Variants in BMP6 observed in about 807,000 individuals in gnomAD.
The protein encoded by BMP6 is VG-1-R.
Under a neutral mutation model 54.1 loss-of-function variants are expected in BMP6, and 17 were observed. The ratio of observed to expected loss-of-function variants is 0.31; its 90% confidence interval spans 0.22 to 0.47. The LOEUF is 0.47. Ranked by LOEUF, BMP6 falls within the 20% of genes least tolerant of loss-of-function variation. The pLI, the probability that BMP6 is intolerant of heterozygous loss-of-function variation, is 1.00. For synonymous variants in BMP6, 328 were observed against 291.2 expected, an observed-to-expected ratio of 1.13 and a Z score of -1.28; for missense variants, 720 against 690.4, an observed-to-expected ratio of 1.04 and a Z score of -0.48.
intron 4 of BMP6, among the ~76,000 whole-genome samples, chr6:7,868,517 G>C (rs1356182989): frequency 1.3e-5 from 2 of 152,242 alleles, no homozygotes; most frequent in Non-Finnish European, 2.9e-5. Context: ...CCAGAGATAT[G>C]GAAAGAGCGG....
chr6:7,772,906 C>T (rs533311642), intron 1 of BMP6, among the ~76,000 whole-genome samples: 2 of 152,280 alleles, frequency 1.3e-5, no homozygotes, highest in African/African-American at 4.8e-5. Context: ...TCATGCTTGA[C>T]AGGACTGGGA....
At chr6:7,821,506 C>CA (rs991594436) in intron 1 of BMP6, among the ~76,000 whole-genome samples, 11 of 152,032 alleles carry the variant, frequency 7.2e-5, no homozygotes, top group South Asian at 6.2e-4. Context: ...CCCATCTCTA[C>CA]AAAAAAACTT....
chr6:7,830,918 T>A (rs367122), intron 1 of BMP6, among the ~76,000 whole-genome samples: 82,806 of 152,000 alleles, frequency 0.54, 23,934 homozygotes, highest in East Asian at 0.73. Context: ...CAGCCAAACC[T>A]TATCAAAGAG....
intron 1 of BMP6, among the ~76,000 whole-genome samples, chr6:7,815,000 T>C (rs1370873337): frequency 3.3e-5 from 5 of 152,208 alleles, no homozygotes; most frequent in African/African-American, 1.2e-4. Flanking sequence ...TAATTTTCTC[T>C]GTTTAGAGGA....
intron 1 of BMP6, among the ~76,000 whole-genome samples, chr6:7,799,644 C>T (rs1246409674): frequency 1.3e-5 from 2 of 151,856 alleles, no homozygotes; most frequent in South Asian, 2.1e-4. Context: ...TAGTCCTCAC[C>T]GCTCAGCTTA....
chr6:7,863,545 C>T (rs958915472), intron 4 of BMP6, among the ~76,000 whole-genome samples: 1 of 152,156 alleles, frequency 6.6e-6, no homozygotes, highest in Non-Finnish European at 1.5e-5. Context: ...GGGGTTGCGT[C>T]CTCCAACCTG....
At chr6:7,815,459 T>C (rs1452593678) in intron 1 of BMP6, among the ~76,000 whole-genome samples, 1 of 152,196 alleles carries the variant, frequency 6.6e-6, no homozygotes, top group African/African-American at 2.4e-5. Flanking sequence ...AAATCAGATG[T>C]TTATAAAAAG....
chr6:7,773,199 C>T (rs1001649024), intron 1 of BMP6, among the ~76,000 whole-genome samples: 1 of 152,174 alleles, frequency 6.6e-6, no homozygotes, highest in African/African-American at 2.4e-5. Context: ...CCAAATGGTG[C>T]ACCTAACACC....
chr6:7,870,483 CCT>C (rs1395637695), intron 4 of BMP6, among the ~76,000 whole-genome samples: 3 of 152,238 alleles, frequency 2.0e-5, no homozygotes, highest in Non-Finnish European at 4.4e-5. Flanking sequence ...ACAGCTGGGA[CCT>C]CTCTGCCCAA....
chr6:7,761,774 T>G (rs575078826), intron 1 of BMP6, among the ~76,000 whole-genome samples: 1 of 152,376 alleles, frequency 6.6e-6, no homozygotes, highest in African/African-American at 2.4e-5. Context: ...TCAAAGTCTT[T>G]ACGGCATTTT....
intron 2 of BMP6, among the ~76,000 whole-genome samples, chr6:7,858,176 C>T (rs1410513938): frequency 1.3e-5 from 2 of 152,172 alleles, no homozygotes; most frequent in Non-Finnish European, 2.9e-5. Context: ...TCCACTTCCC[C>T]GGACTCAGGT....
intron 1 of BMP6, among the ~76,000 whole-genome samples, chr6:7,813,488 A>G (rs1389872221): frequency 1.6e-5 from 2 of 128,856 alleles, no homozygotes; most frequent in African/African-American, 5.8e-5. Context: ...AAAACTATTT[A>G]AAAAACTAGC....
intron 1 of BMP6, among the ~76,000 whole-genome samples, chr6:7,756,224 C>G (rs951900903): frequency 8.6e-5 from 13 of 152,038 alleles, no homozygotes; most frequent in Middle Eastern, 3.4e-3. Context: ...TCTGTGTTGT[C>G]TCATTTGGGC....
intron 1 of BMP6, among the ~76,000 whole-genome samples, chr6:7,733,172 C>T (rs1437179012): frequency 6.6e-6 from 1 of 152,182 alleles, no homozygotes; most frequent in Non-Finnish European, 1.5e-5. Flanking sequence ...ACCCAAAGTG[C>T]TGGGATTACA....
At chr6:7,818,396 G>A (rs1269919601) in intron 1 of BMP6, among the ~76,000 whole-genome samples, 1 of 152,190 alleles carries the variant, frequency 6.6e-6, no homozygotes, top group African/African-American at 2.4e-5. Context: ...TTAACTTACG[G>A]CCACAACTTG....
intron 1 of BMP6, among the ~76,000 whole-genome samples, chr6:7,740,137 G>A (rs1258006946): frequency 6.6e-6 from 1 of 152,128 alleles, no homozygotes; most frequent in Non-Finnish European, 1.5e-5. Flanking sequence ...AGGATGATGG[G>A]CAGGTACCAG....
At chr6:7,738,922 CTCT>C (rs1264451060) in intron 1 of BMP6, among the ~76,000 whole-genome samples, 2 of 152,180 alleles carry the variant, frequency 1.3e-5, no homozygotes, top group Admixed American at 6.5e-5. Context: ...GACACCTTGG[CTCT>C]TCTTGCTTTT....
intron 1 of BMP6, among the ~76,000 whole-genome samples, chr6:7,794,951 T>C (rs1437564223): frequency 1.3e-5 from 2 of 152,168 alleles, no homozygotes; most frequent in Non-Finnish European, 2.9e-5. Flanking sequence ...CCCTATTCTA[T>C]AGAGAAATTT....
intron 1 of BMP6, among the ~76,000 whole-genome samples, chr6:7,765,506 G>A (rs1757673550): frequency 6.6e-6 from 1 of 152,234 alleles, no homozygotes; most frequent in Non-Finnish European, 1.5e-5. Context: ...GGATGCGTAA[G>A]TGTATCAAAA....
Sources: gnomAD v4.1 joint callset for allele counts (sites outside exome capture counted in the v4.1 genomes callset) on GRCh38, gnomAD v4.1.1 for gene constraint, MANE v1.5 for transcripts, NCBI Gene and HGNC (gene_info 2026-07-23, HGNC 2026-07-21) for gene names.